The following ARHGAP32 variants were observed in gnomAD, a reference collection of about 807,000 sequenced individuals.
The protein encoded by ARHGAP32 is rho GTPase-activating protein 32.
In ARHGAP32, 51 loss-of-function variants were observed where a neutral mutation model predicts 186.5. That is an observed-to-expected ratio of 0.27 (90% CI 0.22 to 0.35). The LOEUF is 0.35. ARHGAP32 is among the 10% of genes least tolerant of loss of function. ARHGAP32 has a pLI of 1.00. For missense variants in ARHGAP32, 2,186 were observed against 2,623.5 expected, an observed-to-expected ratio of 0.83 and a Z score of 3.64; for synonymous variants, 950 against 964.3, an observed-to-expected ratio of 0.99 and a Z score of 0.27.
At chr11:129,208,820 A>C (rs957015798) in intron 1 of ARHGAP32, among the ~76,000 whole-genome samples, 1 of 152,172 alleles carries the variant, frequency 6.6e-6, no homozygotes, top group Non-Finnish European at 1.5e-5. Flanking sequence ...CATACTGCAA[A>C]GAAAACAAGT....
intron 5 of ARHGAP32, among the ~76,000 whole-genome samples, chr11:129,119,856 C>A (rs1047591116): frequency 6.6e-6 from 1 of 151,884 alleles, no homozygotes; most frequent in East Asian, 1.9e-4. Context: ...AGCATACTGG[C>A]AGAAAACAAA....
At chr11:129,177,597 G>A (rs1239760795) in intron 1 of ARHGAP32, among the ~76,000 whole-genome samples, 1 of 152,166 alleles carries the variant, frequency 6.6e-6, no homozygotes, top group African/African-American at 2.4e-5. Context: ...CCATGATCAA[G>A]TGGGCTTCAT....
chr11:128,977,034 T>G (rs905889240), intron 19 of ARHGAP32, among the ~76,000 whole-genome samples: 3 of 152,076 alleles, frequency 2.0e-5, no homozygotes, highest in Non-Finnish European at 4.4e-5. Context: ...GAGATGGCCA[T>G]GTGGAGATGG....
intron 1 of ARHGAP32, among the ~76,000 whole-genome samples, chr11:129,174,099 C>T (rs1943839986): frequency 6.6e-6 from 1 of 152,144 alleles, no homozygotes; most frequent in Non-Finnish European, 1.5e-5. Context: ...GTGCACAAGC[C>T]AAAGCAGGGC....
In ARHGAP32 at chr11:129,251,419, A is replaced by C. The variant is rs145256153; in HGVS notation, c.-5+27727T>G. Among the ~76,000 whole-genome samples the C allele has an allele frequency of 5.1e-3, 782 of 152,340 alleles. 4 individuals carry two copies. Among genetic ancestry groups the C allele is most frequent in the Non-Finnish European group, 8.1e-3 (552 of 68,024 alleles). On this transcript the variant is annotated intron_variant, in intron 1 of 6. Coordinates refer to the ARHGAP32 transcript ENST00000525234. ...AAACAGTAAACTTCTAAAAATAAGC[A>C]GTCTATATAAATATATGAAAATGTA... is the stretch of plus-strand genomic sequence containing the variant.
chr11:129,129,573 G>A (rs909620365), intron 2 of ARHGAP32, among the ~76,000 whole-genome samples: 3 of 152,244 alleles, frequency 2.0e-5, no homozygotes, highest in Non-Finnish European at 2.9e-5. Flanking sequence ...GATGACGACG[G>A]CGGTTTTGTC....
chr11:129,191,767 A>C lies in ARHGAP32; in HGVS notation c.116+316T>G, dbSNP rs2135554975. On this transcript the variant is annotated intron_variant, in intron 1 of 22. Coordinates refer to ENST00000682385, the MANE Select transcript of ARHGAP32 (RefSeq NM_001378024.1). ...ATTCAGATCAAATCTATTTGATACAAATCAGATACAGGAAGGGGTAGTAGT... is the reference window on the plus strand; with the variant it reads ...ATTCAGATCAAATCTATTTGATACACATCAGATACAGGAAGGGGTAGTAGT... Among the ~76,000 whole-genome samples, 4 of 152,252 alleles carry C rather than the reference A, an allele frequency of 2.6e-5. No homozygotes were observed. The South Asian group carries it at 8.3e-4, about 32-fold the overall frequency.
chr11:129,247,445 A>G (rs1945115755), intron 1 of ARHGAP32, among the ~76,000 whole-genome samples: 1 of 152,216 alleles, frequency 6.6e-6, no homozygotes, highest in Non-Finnish European at 1.5e-5. Flanking sequence ...CACAAACAAC[A>G]TACATCAAAG....
At chr11:129,166,704 A>G (rs764166730) in intron 1 of ARHGAP32, among the ~76,000 whole-genome samples, 52 of 152,152 alleles carry the variant, frequency 3.4e-4, no homozygotes, top group East Asian at 1.9e-4. Flanking sequence ...ATGAAAGCTG[A>G]AAAAAACTAC....
intron 11 of ARHGAP32, among the ~76,000 whole-genome samples, chr11:129,034,395 T>C (rs1317277924): frequency 6.6e-6 from 1 of 152,186 alleles, no homozygotes; most frequent in East Asian, 1.9e-4. Context: ...CCTAAATCAC[T>C]AGTCTTTTAT....
intron 6 of ARHGAP32, among the ~76,000 whole-genome samples, chr11:129,093,066 A>T (rs1316855374): frequency 1.3e-5 from 2 of 152,078 alleles, no homozygotes; most frequent in African/African-American, 4.8e-5. Context: ...AAGTCAAGAA[A>T]TAACAAGCTA....
chr11:129,091,914 T>C (rs894817258), intron 6 of ARHGAP32, among the ~76,000 whole-genome samples: 5 of 152,040 alleles, frequency 3.3e-5, no homozygotes, highest in African/African-American at 7.2e-5. Context: ...ATATGGGTTA[T>C]GGCTAACACA....
chr11:129,198,289 G>A (rs1944418638), intron 1 of ARHGAP32, among the ~76,000 whole-genome samples: 1 of 152,316 alleles, frequency 6.6e-6, no homozygotes, highest in African/African-American at 2.4e-5. Context: ...TGGAGGTACT[G>A]TATTTTGAAG....
At position 128,997,371 on chromosome 11, in the gene ARHGAP32, A is replaced by C. The variant is rs73029255; in HGVS notation, c.1195+948T>G. 7.7e-3 allele frequency among the ~76,000 whole-genome samples: 1,175 copies of C among 152,312 alleles called. 12 individuals carry two copies. The highest frequency in any genetic ancestry group is 0.011 in the Non-Finnish European group (733 of 68,022). On this transcript the variant is annotated intron_variant, in intron 12 of 22. Transcript: ENST00000682385. ...CTAAGTCCACTGATATTCTTTAAAC[A>C]ATGAGCAAGACCTTAATTTGAACTT...
At chr11:128,979,905 T>C (rs620548) in intron 18 of ARHGAP32, among the ~76,000 whole-genome samples, 52,191 of 152,030 alleles carry the variant, frequency 0.34, 9,190 homozygotes, top group Non-Finnish European at 0.38. Context: ...TTTAGAGTAA[T>C]AGAATTTCAG....
chr11:129,257,306 T>C (rs926479337), intron 1 of ARHGAP32, among the ~76,000 whole-genome samples: 1 of 152,172 alleles, frequency 6.6e-6, no homozygotes, highest in African/African-American at 2.4e-5. Flanking sequence ...TTCTCTGTGG[T>C]ACAAGTCTGG....
At chr11:129,035,173 C>CCTCTCTCTCTCT (rs71057921) in intron 11 of ARHGAP32, among the ~76,000 whole-genome samples, 72 of 148,626 alleles carry the variant, frequency 4.8e-4, no homozygotes, top group African/African-American at 1.3e-3. Context: ...TGTTTCCTCT[C>CCTCTCTCTCTCT]CTCTCTCTCT....
intron 1 of ARHGAP32, among the ~76,000 whole-genome samples, chr11:129,191,196 T>A (rs912777368): frequency 2.6e-5 from 4 of 152,150 alleles, no homozygotes; most frequent in African/African-American, 9.7e-5. Flanking sequence ...CTATCCAAGT[T>A]CTCATAGGTA....
chr11:129,124,959 GT>G, intron 2 of ARHGAP32, 65 bp from the exon 3 acceptor site: 1 of 1,279,614 alleles, frequency 7.8e-7, no homozygotes. Flanking sequence ...TAAAAAGCAG[GT>G]TATAATTTAT....
Sources: allele counts gnomAD v4.1 joint callset (sites outside exome capture counted in the v4.1 genomes callset), GRCh38; gene constraint gnomAD v4.1.1; transcripts MANE v1.5; gene names NCBI Gene and HGNC (gene_info 2026-07-23, HGNC 2026-07-21).